RAI2: variants seen among roughly 807,000 people sequenced by gnomAD.
RAI2 encodes the protein retinoic acid-induced protein 2.
In RAI2, 5 loss-of-function variants were observed where a neutral mutation model predicts 15.3. The ratio of observed to expected loss-of-function variants is 0.33; its 90% CI spans 0.17 to 0.69. RAI2 has a LOEUF of 0.69. Among genes scored for constraint, RAI2 ranks in the 30% least tolerant of loss-of-function variants. RAI2 has a pLI of 0.69. For missense variants in RAI2, 424 were observed against 424.7 expected (o/e 1.00, Z 0.01); for synonymous variants, 191 against 184.0 (o/e 1.04, Z -0.31).
chrX:17,830,388 G>C (rs1448058126), intron 1 of RAI2, among the ~76,000 whole-genome samples: 1 of 112,077 alleles, frequency 8.9e-6, no homozygotes, highest in Non-Finnish European at 1.9e-5. Flanking sequence ...CAAAGTAAAA[G>C]GAACTTTATT....
chrX:17,824,730 G>A (rs2067207790), intron 1 of RAI2, among the ~76,000 whole-genome samples: 1 of 112,109 alleles, frequency 8.9e-6, no homozygotes, highest in Admixed American at 9.5e-5. Context: ...CACTGCAGAT[G>A]GTTATTAACT....
At chrX:17,851,634 GA>G (rs1296098852) in intron 1 of RAI2, among the ~76,000 whole-genome samples, 1 of 111,125 alleles carries the variant, frequency 9.0e-6, no homozygotes, top group Non-Finnish European at 1.9e-5. Context: ...ATTGTAATCT[GA>G]AAAAAAGTAA....
chrX:17,847,825 G>T (rs2067481409), intron 1 of RAI2, among the ~76,000 whole-genome samples: 1 of 112,264 alleles, frequency 8.9e-6, no homozygotes, highest in African/African-American at 3.2e-5. Context: ...TGGCTGACTA[G>T]AGGAAAGCAG....
chrX:17,844,900 A>G (rs1275854625), intron 1 of RAI2, among the ~76,000 whole-genome samples: 1 of 112,113 alleles, frequency 8.9e-6, no homozygotes, highest in Non-Finnish European at 1.9e-5. Flanking sequence ...GTATGTATGT[A>G]AGAATTTTAG....
At position 17,800,909 on chromosome X, in the gene RAI2, C is replaced by G; in HGVS notation, c.1102G>C (p.Asp368His). ...ETLYDSGASV[D>H]SSGHTVMEKL... Reference sequence around the variant, plus strand: ...TCCATCACTGTGTGACCTGAGCTGTCCACTGATGCACCACTGTCATACAGT... The same window carrying G: ...TCCATCACTGTGTGACCTGAGCTGTGCACTGATGCACCACTGTCATACAGT... Residue 368 changes from aspartate to histidine, a missense_variant, in exon 2 of 2, where the codon GAC (aspartate) becomes CAC (histidine). Asp to His is a moderately conservative substitution (Grantham distance 81). Coordinates refer to ENST00000451717, the MANE Select transcript of RAI2 (RefSeq NM_021785.6). 1 of 1,211,205 alleles carries G rather than the reference C, an allele frequency of 8.3e-7. No homozygotes were observed. The highest frequency in any genetic ancestry group is 1.1e-6 in the Non-Finnish European group (1 of 895,279).
chrX:17,812,962 G>GC (rs1569345012), intron 1 of RAI2, among the ~76,000 whole-genome samples: 1 of 111,870 alleles, frequency 8.9e-6, no homozygotes, highest in Non-Finnish European at 1.9e-5. Context: ...ACAAGGGGAT[G>GC]CTGTAACCTA....
chrX:17,833,343 G>A (rs1395434500), intron 1 of RAI2, among the ~76,000 whole-genome samples: 1 of 111,129 alleles, frequency 9.0e-6, no homozygotes, highest in Non-Finnish European at 1.9e-5. Flanking sequence ...CCAATGTGGT[G>A]AAACCCTGTC....
At chrX:17,844,734 A>C (rs1016267558) in intron 1 of RAI2, among the ~76,000 whole-genome samples, 2 of 112,681 alleles carry the variant, frequency 1.8e-5, no homozygotes, top group Non-Finnish European at 3.7e-5. Context: ...ATGCTGTTAA[A>C]AGATAGTGGC....
chrX:17,843,150 T>C (rs2067418358), intron 1 of RAI2, among the ~76,000 whole-genome samples: 1 of 111,468 alleles, frequency 9.0e-6, no homozygotes, highest in South Asian at 3.8e-4. Flanking sequence ...AAAGTGCTGA[T>C]GTGTAAAATC....
chrX:17,847,244 G>A (rs1030469180), intron 1 of RAI2, among the ~76,000 whole-genome samples: 1 of 112,297 alleles, frequency 8.9e-6, no homozygotes, highest in African/African-American at 3.2e-5. Context: ...CCCATCCGCT[G>A]CACTCCTCTA....
At chrX:17,824,823 G>A (rs969577007) in intron 1 of RAI2, among the ~76,000 whole-genome samples, 1 of 111,884 alleles carries the variant, frequency 8.9e-6, no homozygotes, top group African/African-American at 3.2e-5. Context: ...ACATTAGAGG[G>A]AATCCATTCA....
chrX:17,832,881 A>T (rs922157004), intron 1 of RAI2, among the ~76,000 whole-genome samples: 4 of 112,000 alleles, frequency 3.6e-5, no homozygotes, highest in Non-Finnish European at 7.5e-5. Context: ...AACCCAAGAC[A>T]GTCTTGCCAC....
At chrX:17,847,626 T>C (rs2067478940) in intron 1 of RAI2, among the ~76,000 whole-genome samples, 1 of 112,681 alleles carries the variant, frequency 8.9e-6, no homozygotes, top group African/African-American at 3.2e-5. Flanking sequence ...CCATCTTAGG[T>C]TTGGAGAACA....
intron 1 of RAI2, among the ~76,000 whole-genome samples, chrX:17,820,457 G>C: frequency 8.9e-6 from 1 of 111,815 alleles, no homozygotes; most frequent in Non-Finnish European, 1.9e-5. Context: ...ACCCATAAAA[G>C]CTCCGACTGA....
intron 1 of RAI2, among the ~76,000 whole-genome samples, chrX:17,815,835 A>G (rs777569378): frequency 1.3e-4 from 15 of 111,545 alleles, no homozygotes; most frequent in Non-Finnish European, 2.6e-4. Context: ...TCACCCATCA[A>G]TTAACCTTGT....
chrX:17,857,330 T>C, intron 1 of RAI2, among the ~76,000 whole-genome samples: 1 of 111,777 alleles, frequency 8.9e-6, no homozygotes, highest in Non-Finnish European at 1.9e-5. Flanking sequence ...GGCTCCAGAA[T>C]TTCTAGGAGT....
intron 1 of RAI2, among the ~76,000 whole-genome samples, chrX:17,813,544 CG>C (rs1425549607): frequency 1.8e-5 from 2 of 111,222 alleles, no homozygotes; most frequent in Non-Finnish European, 3.8e-5. Context: ...ATTAAGTTTG[CG>C]GGGCCCATTG....
At position 17,840,990 on chromosome X, in the gene RAI2, A is replaced by G. The variant is rs944449303; in HGVS notation, c.-25+20108T>C. Among the ~76,000 whole-genome samples the G allele has an allele frequency of 3.6e-5, 4 of 111,949 alleles. No homozygotes were observed. In the East Asian group the frequency reaches 1.1e-3, roughly 31 times the overall value. On this transcript the variant is annotated intron_variant, in intron 1 of 1. Transcript: ENST00000451717. ...CGTAGTGAATTAGAGAGGGAAACAA[A>G]TCCCTATGACTTTGTTTGTGAGTGT...
In RAI2 at chrX:17,801,342, G is replaced by C. The variant is rs749095619; in HGVS notation, c.669C>G (p.Pro223=). The change falls in exon 2 of 2, where the codon CCC becomes CCG. Residue 223 remains proline (P), a synonymous_variant. Coordinates refer to ENST00000451717, the MANE Select transcript of RAI2 (RefSeq NM_021785.6). ...CCAAGAGGGTGGCTGGTGGGACCAGGGGGGACAAGGGGGAGCTAAAAGGCT... is the reference window on the plus strand; with the variant it reads ...CCAAGAGGGTGGCTGGTGGGACCAGCGGGGACAAGGGGGAGCTAAAAGGCT... ...PPQPFSSPLS[P]LVPPATLLVP... is the part of the protein sequence containing the mutation. The C allele has an allele frequency of 7.8e-6, 9 of 1,158,005 alleles. No individual in the cohort carries two copies. Among genetic ancestry groups the C allele is most frequent in the Non-Finnish European group, 1.0e-5 (9 of 868,994 alleles).
Sources: gnomAD v4.1 joint callset for allele counts (sites outside exome capture counted in the v4.1 genomes callset) on GRCh38, gnomAD v4.1.1 for gene constraint, MANE v1.5 for transcripts, NCBI Gene and HGNC (gene_info 2026-07-23, HGNC 2026-07-21) for gene names.